The following CBLB variants were observed in gnomAD, a reference collection of about 807,000 sequenced individuals.
The protein encoded by CBLB is Cbl proto-oncogene B.
Under a neutral mutation model 104.9 loss-of-function variants are expected in CBLB, and 31 were observed. The ratio of observed to expected loss-of-function variants is 0.30; its 90% CI spans 0.22 to 0.40. The LOEUF is 0.40. Ranked by LOEUF, CBLB falls within the 10% of genes least tolerant of loss-of-function variation. The pLI is 1.00. For missense variants in CBLB, 1,062 were observed against 1,214.6 expected, an observed-to-expected ratio of 0.87 and a Z score of 1.87; for synonymous variants, 440 against 422.6, an observed-to-expected ratio of 1.04 and a Z score of -0.51.
At chr3:105,836,372 C>A (rs2088498621) in intron 3 of CBLB, among the ~76,000 whole-genome samples, 1 of 151,942 alleles carries the variant, frequency 6.6e-6, no homozygotes. Context: ...TGGGAGTGTC[C>A]TCAATCTTGC....
chr3:105,858,043 G>A (rs986479798), intron 2 of CBLB, among the ~76,000 whole-genome samples: 2 of 152,202 alleles, frequency 1.3e-5, no homozygotes, highest in Admixed American at 6.5e-5. Flanking sequence ...AGTAAATGCA[G>A]TTATTCTAAA....
chr3:105,715,871 T>TC (rs959326774), intron 10 of CBLB, among the ~76,000 whole-genome samples: 1 of 152,066 alleles, frequency 6.6e-6, no homozygotes, highest in African/African-American at 2.4e-5. Context: ...AAACCCTGTC[T>TC]CTACTAAAAA....
At chr3:105,723,657 C>A (rs149532560) in intron 9 of CBLB, among the ~76,000 whole-genome samples, 35 of 152,152 alleles carry the variant, frequency 2.3e-4, no homozygotes, top group Admixed American at 2.0e-4. Flanking sequence ...CACAAATACT[C>A]TATGTAAAAA....
At chr3:105,778,730 CT>C (rs1222938022) in intron 3 of CBLB, among the ~76,000 whole-genome samples, 1 of 152,114 alleles carries the variant, frequency 6.6e-6, no homozygotes, top group Non-Finnish European at 1.5e-5. Flanking sequence ...GATTCAGCCA[CT>C]TTTGCACAAC....
intron 3 of CBLB, among the ~76,000 whole-genome samples, chr3:105,804,375 G>T (rs1216271511): frequency 6.6e-6 from 1 of 151,884 alleles, no homozygotes; most frequent in Non-Finnish European, 1.5e-5. Context: ...AAAAAAACTG[G>T]CCAGGCGTGG....
At chr3:105,680,451 A>G (rs914334790) in intron 16 of CBLB, among the ~76,000 whole-genome samples, 1 of 152,206 alleles carries the variant, frequency 6.6e-6, no homozygotes, top group Non-Finnish European at 1.5e-5. Flanking sequence ...TCACCACAGA[A>G]AGCTTTATTG....
chr3:105,731,618 T>C (rs2074324175), intron 9 of CBLB, among the ~76,000 whole-genome samples: 1 of 152,160 alleles, frequency 6.6e-6, no homozygotes, highest in African/African-American at 2.4e-5. Flanking sequence ...TATTTTATTA[T>C]TATTATTATT....
At chr3:105,700,895 T>C (rs557533196) in intron 12 of CBLB, among the ~76,000 whole-genome samples, 1 of 152,360 alleles carries the variant, frequency 6.6e-6, no homozygotes, top group South Asian at 2.1e-4. Context: ...TTCTTCCTTA[T>C]ATCCTGAATA....
At chr3:105,797,417 G>A (rs951480570) in intron 3 of CBLB, among the ~76,000 whole-genome samples, 34 of 152,192 alleles carry the variant, frequency 2.2e-4, no homozygotes, top group African/African-American at 7.7e-4. Context: ...ACAAAGAGGG[G>A]AACAACAGAC....
At chr3:105,742,662 A>T (rs1397412668) in intron 6 of CBLB, among the ~76,000 whole-genome samples, 4 of 152,078 alleles carry the variant, frequency 2.6e-5, no homozygotes, top group Non-Finnish European at 4.4e-5. Context: ...AATGTTACAT[A>T]AAAAAATTAA....
chr3:105,718,299 A>G lies in CBLB; in HGVS notation c.1407+1748T>C, dbSNP rs370301763. Among the ~76,000 whole-genome samples the G allele has an allele frequency of 6.6e-5, 10 of 152,320 alleles. No homozygotes were observed. The South Asian group carries it at 8.3e-4, about 13-fold the overall frequency. ...AAATTATAACATTTATGAAAAACCA[A>G]TAAGATAAATAATAAAAATCATTCC... On this transcript the variant is annotated intron_variant, in intron 10 of 18. Transcript: ENST00000394030.
intron 3 of CBLB, among the ~76,000 whole-genome samples, chr3:105,810,064 C>CT (rs1181214397): frequency 6.6e-6 from 1 of 152,114 alleles, no homozygotes; most frequent in African/African-American, 2.4e-5. Context: ...GAAATATAAA[C>CT]TAACACTTCC....
intron 4 of CBLB, among the ~76,000 whole-genome samples, chr3:105,758,641 G>C (rs931545512): frequency 6.6e-6 from 1 of 152,236 alleles, no homozygotes; most frequent in Admixed American, 6.5e-5. Context: ...ATGAACAAGT[G>C]AGCATGGAGT....
intron 16 of CBLB, among the ~76,000 whole-genome samples, chr3:105,679,073 A>G (rs1348752939): frequency 6.6e-6 from 1 of 152,156 alleles, no homozygotes; most frequent in East Asian, 1.9e-4. Flanking sequence ...TAATTTATTT[A>G]ACCTAATGTT....
At chr3:105,662,484 G>A (rs2063883118) in intron 18 of CBLB, among the ~76,000 whole-genome samples, 1 of 152,024 alleles carries the variant, frequency 6.6e-6, no homozygotes, top group Non-Finnish European at 1.5e-5. Flanking sequence ...CCATGTTCAT[G>A]GTATTTTTGA....
Position 105,849,249 on chromosome 3 carries a change from G to C in CBLB, c.419+4165C>G, listed in dbSNP as rs116245678. Among the ~76,000 whole-genome samples the C allele has an allele frequency of 3.1e-3, 466 of 152,220 alleles. 3 individuals carry two copies. Among genetic ancestry groups the C allele is most frequent in the Admixed American group, 6.2e-3 (95 of 15,274 alleles). On this transcript the variant is annotated intron_variant, in intron 3 of 18. Coordinates refer to ENST00000394030, the MANE Select transcript of CBLB (RefSeq NM_170662.5). Reference sequence around the variant, plus strand: ...TGTACCAAGAATGGTACATTATTATGAATTGTTATGAAACATTTATCAAAT... The same window carrying C: ...TGTACCAAGAATGGTACATTATTATCAATTGTTATGAAACATTTATCAAAT...
At chr3:105,831,309 T>G (rs1386129238) in intron 3 of CBLB, among the ~76,000 whole-genome samples, 1 of 152,234 alleles carries the variant, frequency 6.6e-6, no homozygotes, top group Non-Finnish European at 1.5e-5. Context: ...TTCCTGCCTG[T>G]ATCTCCTACC....
At chr3:105,773,993 T>TA (rs1560179951) in intron 4 of CBLB, among the ~76,000 whole-genome samples, 2 of 152,230 alleles carry the variant, frequency 1.3e-5, no homozygotes, top group East Asian at 3.9e-4. Flanking sequence ...AACAGTGCTA[T>TA]AGTTTGAATG....
intron 12 of CBLB, among the ~76,000 whole-genome samples, chr3:105,695,935 T>C (rs1253100865): frequency 6.6e-6 from 1 of 151,746 alleles, no homozygotes; most frequent in East Asian, 1.9e-4. Flanking sequence ...CAGATGCACT[T>C]ATTAATGGAA....
Sources: allele counts gnomAD v4.1 joint callset (sites outside exome capture counted in the v4.1 genomes callset), GRCh38; gene constraint gnomAD v4.1.1; transcripts MANE v1.5; gene names NCBI Gene and HGNC (gene_info 2026-07-23, HGNC 2026-07-21).